Variants in LSM12 observed in about 807,000 individuals in gnomAD.
LSM12 encodes the protein protein LSM12.
For missense variants in LSM12, 108 were observed against 238.9 expected (o/e 0.45, Z 3.61); for synonymous variants, 74 against 87.3 (o/e 0.85, Z 0.85).
intron 2 of LSM12, among the ~76,000 whole-genome samples, chr17:44,057,683 T>G (rs1420351316): frequency 2.0e-5 from 3 of 150,830 alleles, no homozygotes; most frequent in Non-Finnish European, 4.4e-5. Flanking sequence ...TGCTTGAACC[T>G]GGGAGGCAGA....
At chr17:44,062,499 T>C (rs2049811177) in intron 2 of LSM12, among the ~76,000 whole-genome samples, 2 of 152,118 alleles carry the variant, frequency 1.3e-5, no homozygotes, top group East Asian at 1.9e-4. Context: ...GAAGGAAAAA[T>C]GTTCCAAGTA....
intron 2 of LSM12, among the ~76,000 whole-genome samples, chr17:44,046,759 C>CTTTTTTTTTTTT (rs35839029): frequency 7.3e-5 from 5 of 68,356 alleles, no homozygotes; most frequent in African/African-American, 1.1e-4. Context: ...TTTTTTTTTT[C>CTTTTTTTTTTTT]TTTTTTTTTT....
Position 44,059,378 on chromosome 17 carries a change from C to A in LSM12, c.258+4423G>T, listed in dbSNP as rs115273329. On this transcript the variant is annotated intron_variant, in intron 2 of 4. Transcript: ENST00000293406. ...CCGACGCAGGTGGATTATCTGAGGTCAGGAGTTCAAGGCCAGCCTGGTCAA... is the reference window on the plus strand; with the variant it reads ...CCGACGCAGGTGGATTATCTGAGGTAAGGAGTTCAAGGCCAGCCTGGTCAA... Among the ~76,000 whole-genome samples, 755 of 152,114 alleles carry A rather than the reference C, an allele frequency of 5.0e-3. 8 individuals are homozygous for A. The highest frequency in any genetic ancestry group is 0.017 in the African/African-American group (717 of 41,476).
intron 2 of LSM12, among the ~76,000 whole-genome samples, chr17:44,059,354 C>T (rs1567962256): frequency 1.3e-5 from 2 of 151,998 alleles, no homozygotes; most frequent in Non-Finnish European, 1.5e-5. Flanking sequence ...TTTAGGAGGC[C>T]GACGCAGGTG....
rs1325981169 is a variant in LSM12 at position 44,056,916 on chromosome 17, G to A, written c.258+6885C>T. 4.6e-5 allele frequency among the ~76,000 whole-genome samples: 7 copies of A among 151,614 alleles called. No homozygotes were observed. In the South Asian group the frequency reaches 1.0e-3, roughly 23 times the overall value. On this transcript the variant is annotated intron_variant, in intron 2 of 4. Transcript: ENST00000293406. ...TGAGGCAGGAGAATCACTTGAACCC[G>A]GGAGGCAGAGGTTGTGGTAAGCTGT...
At chr17:44,066,404 C>T (rs2049878002) in intron 1 of LSM12, 60 bp downstream of exon 1, 1 of 1,480,844 alleles carries the variant, frequency 6.8e-7, no homozygotes, top group Non-Finnish European at 9.0e-7. Context: ...TCGTCCCCCA[C>T]CCCCCGACCA....
At chr17:44,048,792 T>C (rs528576905) in intron 2 of LSM12, among the ~76,000 whole-genome samples, 1 of 152,298 alleles carries the variant, frequency 6.6e-6, no homozygotes, top group East Asian at 1.9e-4. Context: ...ACACAGTCCT[T>C]GTATACTAAC....
chr17:44,049,372 G>A (rs1444001016), intron 2 of LSM12, among the ~76,000 whole-genome samples: 1 of 152,054 alleles, frequency 6.6e-6, no homozygotes, highest in Non-Finnish European at 1.5e-5. Flanking sequence ...CAAACTCCTG[G>A]GCTCAAGCGA....
chr17:44,040,080 C>T, intron 3 of LSM12, 67 bp downstream of exon 3: 1 of 1,244,976 alleles, frequency 8.0e-7, no homozygotes, highest in Non-Finnish European at 1.2e-6. Context: ...ACCCAAAAGC[C>T]TGCCACCAGA....
At chr17:44,055,791 T>C (rs187057053) in intron 2 of LSM12, among the ~76,000 whole-genome samples, 2 of 149,204 alleles carry the variant, frequency 1.3e-5, no homozygotes, top group East Asian at 3.9e-4. Flanking sequence ...GCCCTGCTAA[T>C]AGGCTATGTC....
chr17:44,038,350 T>A (rs1167357053), intron 3 of LSM12, among the ~76,000 whole-genome samples: 1 of 139,266 alleles, frequency 7.2e-6, no homozygotes, highest in Non-Finnish European at 1.5e-5. Flanking sequence ...AGTGAGACCC[T>A]GTCTCAAAAA....
chr17:44,050,275 ATTT>A (rs113687461), intron 2 of LSM12, among the ~76,000 whole-genome samples: 1 of 137,268 alleles, frequency 7.3e-6, no homozygotes. Context: ...TAATTTTTGT[ATTT>A]TTTTTTTTTT....
At chr17:44,048,463 C>G (rs1009023337) in intron 2 of LSM12, among the ~76,000 whole-genome samples, 1 of 131,506 alleles carries the variant, frequency 7.6e-6, no homozygotes, top group Non-Finnish European at 1.6e-5. Context: ...GCCTGGGTGA[C>G]AGAGAGAGAC....
chr17:44,059,245 T>A (rs2049763296), intron 2 of LSM12, among the ~76,000 whole-genome samples: 1 of 152,126 alleles, frequency 6.6e-6, no homozygotes, highest in Non-Finnish European at 1.5e-5. Context: ...TCAGGGTACT[T>A]CATGTTGCCA....
intron 2 of LSM12, among the ~76,000 whole-genome samples, chr17:44,043,548 C>CT (rs34478151): frequency 0.33 from 43,816 of 134,156 alleles, 7,726 homozygotes; most frequent in East Asian, 0.73. Flanking sequence ...GAGGAGTTTC[C>CT]TTTTTTTTTT....
At chr17:44,066,397 TC>T in intron 1 of LSM12, 66 bp downstream of exon 1, 1 of 1,494,950 alleles carries the variant, frequency 6.7e-7, no homozygotes, top group African/African-American at 1.5e-5. Context: ...GCCGCCGTCG[TC>T]CCCCACCCCC....
chr17:44,037,678 T>A, intron 3 of LSM12, 140 bp from the exon 4 acceptor site: 2 of 981,544 alleles, frequency 2.0e-6, no homozygotes, highest in Non-Finnish European at 2.8e-6. Context: ...CAGCAGCCCA[T>A]ATAGTAGCCA....
At chr17:44,043,570 T>TG (rs1456833340) in intron 2 of LSM12, among the ~76,000 whole-genome samples, 1 of 141,376 alleles carries the variant, frequency 7.1e-6, no homozygotes, top group Non-Finnish European at 1.5e-5. Context: ...TTTTTTGAGA[T>TG]GGAGTCTTGC....
chr17:44,057,063 G>C lies in LSM12; in HGVS notation c.258+6738C>G, dbSNP rs906376697. Among the ~76,000 whole-genome samples the C allele has an allele frequency of 7.9e-5, 12 of 152,018 alleles. 1 individual carries two copies. The highest frequency in any genetic ancestry group is 1.6e-4 in the Non-Finnish European group (11 of 67,980). The stretch of plus-strand genomic sequence containing the variant: ...CCCAGCTACTCGGGAGGCTGAGACA[G>C]GAGAACTGCTTTAGCACAGGAGGCG... On this transcript the variant is annotated intron_variant, in intron 2 of 4. Coordinates refer to ENST00000293406, the MANE Select transcript of LSM12 (RefSeq NM_001371445.1).
Sources: allele counts gnomAD v4.1 joint callset (sites outside exome capture counted in the v4.1 genomes callset), GRCh38; gene constraint gnomAD v4.1.1; transcripts MANE v1.5; gene names NCBI Gene and HGNC (gene_info 2026-07-23, HGNC 2026-07-21).